HKDC1: variants seen among roughly 807,000 people sequenced by gnomAD.
HKDC1 encodes hexokinase HKDC1.
A neutral mutation model predicts 96.6 loss-of-function variants in HKDC1; 66 were observed. The ratio of observed to expected loss-of-function variants is 0.68; its 90% CI spans 0.56 to 0.84. The LOEUF is 0.84. Among genes scored for constraint, HKDC1 ranks in the 40% least tolerant of loss-of-function variants. The probability of loss-of-function intolerance (pLI) is 0.00; values close to 1 mark genes in which losing one functional copy is unlikely to be tolerated. For missense variants in HKDC1, 1,211 were observed against 1,208.1 expected, an observed-to-expected ratio of 1.00 and a Z score of -0.04; for synonymous variants, 466 against 473.1, an observed-to-expected ratio of 0.98 and a Z score of 0.20.
intron 1 of HKDC1, among the ~76,000 whole-genome samples, chr10:69,221,457 G>A (rs1843062439): frequency 1.3e-5 from 2 of 152,190 alleles, no homozygotes; most frequent in South Asian, 4.1e-4. Context: ...CCGGCTGGCT[G>A]TCACGGCCCT....
chr10:69,266,496 G>C, intron 17 of HKDC1, 114 bp from the exon 18 acceptor site: 1 of 1,063,586 alleles, frequency 9.4e-7, no homozygotes, highest in South Asian at 1.6e-5. Flanking sequence ...AAGCTGTTTA[G>C]AGCCTTGAAA....
At chr10:69,239,194 G>A in intron 5 of HKDC1, 57 bp downstream of exon 5, 4 of 1,379,000 alleles carry the variant, frequency 2.9e-6, no homozygotes, top group Non-Finnish European at 4.1e-6. Context: ...TTTCTCTTGG[G>A]TTGGTGGGGC....
chr10:69,249,699 C>T (rs528667883), intron 10 of HKDC1, among the ~76,000 whole-genome samples: 1 of 152,282 alleles, frequency 6.6e-6, no homozygotes, highest in African/African-American at 2.4e-5. Flanking sequence ...TGGGGTTTCA[C>T]TGTGTTAGCC....
chr10:69,225,511 G>C (rs2394529), intron 1 of HKDC1, among the ~76,000 whole-genome samples: 89,202 of 151,992 alleles, frequency 0.59, 27,152 homozygotes, highest in Non-Finnish European at 0.67. Context: ...GCTAATGGCT[G>C]TCTGATGATT....
At chr10:69,239,449 C>T (rs1843419781) in intron 5 of HKDC1, among the ~76,000 whole-genome samples, 1 of 152,222 alleles carries the variant, frequency 6.6e-6, no homozygotes, top group Non-Finnish European at 1.5e-5. Flanking sequence ...GTAGGCCCCA[C>T]ACGCCCTCCT....
intron 7 of HKDC1, among the ~76,000 whole-genome samples, chr10:69,245,306 C>T (rs1330538693): frequency 6.6e-6 from 1 of 152,098 alleles, no homozygotes; most frequent in Non-Finnish European, 1.5e-5. Flanking sequence ...ATATTTAGGC[C>T]TGATGCGGTG....
At chr10:69,221,062 A>C (rs775441101) in intron 1 of HKDC1, among the ~76,000 whole-genome samples, 4 of 152,102 alleles carry the variant, frequency 2.6e-5, no homozygotes, top group Non-Finnish European at 5.9e-5. Flanking sequence ...AGGCAGGAGA[A>C]TCGCTTGAAC....
At chr10:69,256,714 AAAAG>A (rs1320334425) in intron 12 of HKDC1, among the ~76,000 whole-genome samples, 1 of 152,124 alleles carries the variant, frequency 6.6e-6, no homozygotes, top group African/African-American at 2.4e-5. Flanking sequence ...CTCAAAAAAA[AAAAG>A]AAAGAAAGAA....
intron 12 of HKDC1, among the ~76,000 whole-genome samples, chr10:69,252,114 C>A (rs1457984021): frequency 6.6e-6 from 1 of 152,166 alleles, no homozygotes; most frequent in Non-Finnish European, 1.5e-5. Flanking sequence ...ATCACATGGC[C>A]ACTTTAGCTG....
Position 69,243,307 on chromosome 10 carries a change from A to G in HKDC1, c.817A>G (p.Ile273Val), listed in dbSNP as rs377063347. ...CGGGGACGACGGGGCCCTGGAGGAC[A>G]TTCGCACTGAGTTCGACAGGGAGCT... is the stretch of plus-strand genomic sequence containing the variant. ...AFGDDGALED[I>V]RTEFDRELDL... Residue 273 changes from isoleucine to valine, a missense_variant, in exon 7 of 18, where the codon ATT (isoleucine) becomes GTT (valine). Ile to Val is a conservative substitution (Grantham distance 29). Coordinates refer to ENST00000354624, the MANE Select transcript of HKDC1 (RefSeq NM_025130.4). The G allele has an allele frequency of 1.2e-6, 2 of 1,613,206 alleles. No individual in the cohort carries two copies. Among genetic ancestry groups the G allele is most frequent in the Non-Finnish European group, 1.7e-6 (2 of 1,179,598 alleles).
intron 1 of HKDC1, among the ~76,000 whole-genome samples, chr10:69,226,869 G>A (rs568764271): frequency 1.3e-5 from 2 of 152,320 alleles, no homozygotes; most frequent in South Asian, 2.1e-4. Context: ...GGACACTGGT[G>A]AGGGCCCTGA....
At chr10:69,232,535 G>T (rs1383165519) in intron 2 of HKDC1, 3 of 561,812 alleles carry the variant, frequency 5.3e-6, no homozygotes, top group Non-Finnish European at 9.5e-6. Flanking sequence ...TGAGCCAGTG[G>T]GTTGGGCTCA....
At chr10:69,231,178 C>T (rs901299753) in intron 2 of HKDC1, among the ~76,000 whole-genome samples, 4 of 152,142 alleles carry the variant, frequency 2.6e-5, no homozygotes, top group Admixed American at 1.3e-4. Context: ...CCCTCCCGTC[C>T]GATGGCAGTG....
Position 69,243,367 on chromosome 10 carries a change from T to C in HKDC1, c.875+2T>C, listed in dbSNP as rs201645024. Reference sequence around the variant, plus strand: ...CTCTCTCAACCCAGGAAAGCAACTGTGAGTTCCCTTCTGGTGTTATCTGGG... The same window carrying C: ...CTCTCTCAACCCAGGAAAGCAACTGCGAGTTCCCTTCTGGTGTTATCTGGG... On this transcript the variant is annotated splice_donor_variant, in intron 7 of 17. Coordinates refer to ENST00000354624, the MANE Select transcript of HKDC1 (RefSeq NM_025130.4). LOFTEE classifies it high-confidence loss of function. 24 of 1,572,130 alleles carry C rather than the reference T, an allele frequency of 1.5e-5. No individual in the cohort carries two copies. Among genetic ancestry groups the C allele is most frequent in the Non-Finnish European group, 1.3e-5 (15 of 1,158,798 alleles).
At chr10:69,223,963 C>T (rs919764427) in intron 1 of HKDC1, among the ~76,000 whole-genome samples, 3 of 150,974 alleles carry the variant, frequency 2.0e-5, no homozygotes, top group Non-Finnish European at 3.0e-5. Flanking sequence ...AATCCCAGCA[C>T]TTTGGGAGGC....
At chr10:69,227,152 G>C in intron 1 of HKDC1, 55 bp from the exon 2 acceptor site, 1 of 1,599,242 alleles carries the variant, frequency 6.3e-7, no homozygotes. Context: ...TTACAGCCTC[G>C]ACTGGAGGGT....
At chr10:69,246,378 G>A (rs1263270475) in intron 8 of HKDC1, 144 bp downstream of exon 8, 3 of 835,762 alleles carry the variant, frequency 3.6e-6, no homozygotes, top group Non-Finnish European at 5.6e-6. Flanking sequence ...GGCTTCAGAT[G>A]GGTTAGCAAT....
At chr10:69,238,137 T>A (rs1407926927) in intron 4 of HKDC1, among the ~76,000 whole-genome samples, 1 of 152,226 alleles carries the variant, frequency 6.6e-6, no homozygotes, top group African/African-American at 2.4e-5. Flanking sequence ...AGAGACGAGG[T>A]CTCGCTATGT....
chr10:69,233,216 G>A, intron 4 of HKDC1, 83 bp downstream of exon 4: 2 of 1,536,192 alleles, frequency 1.3e-6, no homozygotes, highest in East Asian at 2.3e-5. Context: ...GCACGCAGGA[G>A]AGAACAGCAG....
Sources: gnomAD v4.1 joint callset for allele counts (sites outside exome capture counted in the v4.1 genomes callset) on GRCh38, gnomAD v4.1.1 for gene constraint, MANE v1.5 for transcripts, NCBI Gene and HGNC (gene_info 2026-07-23, HGNC 2026-07-21) for gene names.